Variants in TP63 observed in about 807,000 individuals in gnomAD.
TP63 encodes the protein tumor protein 63.
A neutral mutation model predicts 82.8 loss-of-function variants in TP63; 17 were observed. The observed-to-expected ratio is 0.21, with a 90% CI of 0.14 to 0.31. The LOEUF is 0.31. Among genes scored for constraint, TP63 ranks in the 10% least tolerant of loss-of-function variants. TP63 has a pLI of 1.00. For synonymous variants in TP63, 330 were observed against 321.7 expected, an observed-to-expected ratio of 1.03 and a Z score of -0.28; for missense variants, 648 against 895.3, an observed-to-expected ratio of 0.72 and a Z score of 3.52.
chr3:189,889,733 G>A (rs549683264), intron 12 of TP63, among the ~76,000 whole-genome samples: 18 of 152,250 alleles, frequency 1.2e-4, no homozygotes, highest in African/African-American at 3.1e-4. Flanking sequence ...TGTTTCCCTC[G>A]CCTTCACTTA....
the TP63 span, among the ~76,000 whole-genome samples, chr3:189,622,046 GA>G: frequency 6.6e-6 from 1 of 152,196 alleles, no homozygotes; most frequent in African/African-American, 2.4e-5. Context: ...AAGATGCCCT[GA>G]GAATCATGTC....
intron 1 of TP63, among the ~76,000 whole-genome samples, chr3:189,646,259 T>C (rs1712416883): frequency 6.8e-6 from 1 of 147,274 alleles, no homozygotes; most frequent in African/African-American, 2.5e-5. Context: ...TTTGAAAACC[T>C]GACCATACAA....
At chr3:189,710,444 A>G (rs1718508519) in intron 1 of TP63, among the ~76,000 whole-genome samples, 1 of 152,176 alleles carries the variant, frequency 6.6e-6, no homozygotes, top group Non-Finnish European at 1.5e-5. Context: ...AAGGGCAGGG[A>G]TAATTTAATT....
At chr3:189,652,401 G>A (rs1027016243) in intron 1 of TP63, among the ~76,000 whole-genome samples, 6 of 146,884 alleles carry the variant, frequency 4.1e-5, no homozygotes, top group Admixed American at 3.3e-4. Context: ...CCATTGTTTT[G>A]GCCAATTTCT....
chr3:189,661,136 C>A (rs1713843509), intron 1 of TP63, among the ~76,000 whole-genome samples: 1 of 151,962 alleles, frequency 6.6e-6, no homozygotes, highest in African/African-American at 2.4e-5. Flanking sequence ...GAGTAAGCAT[C>A]CTTGTCTTCT....
Position 189,681,581 on chromosome 3 carries a change from G to A in TP63, c.62+50004G>A, listed in dbSNP as rs11709407. Among the ~76,000 whole-genome samples the A allele has an allele frequency of 0.1, 15,411 of 151,942 alleles. 979 individuals carry two copies. The highest frequency in any genetic ancestry group is 0.14 in the Middle Eastern group (42 of 294). On this transcript the variant is annotated intron_variant, in intron 1 of 13. Coordinates refer to ENST00000264731, the MANE Select transcript of TP63 (RefSeq NM_003722.5). Reference sequence around the variant, plus strand: ...AGCCAGGCTCTATATTTCAGCTCACGTGCTCCATAAATTATATGCAATATT... The same window carrying A: ...AGCCAGGCTCTATATTTCAGCTCACATGCTCCATAAATTATATGCAATATT...
At chr3:189,724,053 C>A (rs62279901) in intron 1 of TP63, among the ~76,000 whole-genome samples, 1,887 of 144,710 alleles carry the variant, frequency 0.013, 46 homozygotes, top group African/African-American at 0.046. Flanking sequence ...AATATCCACT[C>A]CACTCCTCAC....
At position 189,757,866 on chromosome 3, in the gene TP63, G is replaced by A. The variant is rs563576231; in HGVS notation, c.324+19092G>A. On this transcript the variant is annotated intron_variant, in intron 3 of 13. Transcript: ENST00000264731. ...CAGCACCAGGGAAAGGCAGTCTCCCGATAGATAGAAAAAAAACCTTAAACT... is the reference window on the plus strand; with the variant it reads ...CAGCACCAGGGAAAGGCAGTCTCCCAATAGATAGAAAAAAAACCTTAAACT... Among the ~76,000 whole-genome samples, 4 of 152,122 alleles carry A rather than the reference G, an allele frequency of 2.6e-5. No individual in the cohort carries two copies. The East Asian group carries it at 5.8e-4, about 22-fold the overall frequency.
intron 1 of TP63, among the ~76,000 whole-genome samples, chr3:189,732,056 CAG>C: frequency 6.6e-6 from 1 of 152,242 alleles, no homozygotes; most frequent in Non-Finnish European, 1.5e-5. Context: ...TTTTAAGAAA[CAG>C]ACACTTTCTT....
intron 1 of TP63, among the ~76,000 whole-genome samples, chr3:189,709,137 G>C (rs4687088): frequency 0.7 from 106,597 of 152,082 alleles, 38,310 homozygotes; most frequent in African/African-American, 0.87. Context: ...AATGTACACT[G>C]CAGCTGAAAT....
At chr3:189,709,284 C>T (rs1243985445) in intron 1 of TP63, among the ~76,000 whole-genome samples, 1 of 152,034 alleles carries the variant, frequency 6.6e-6, no homozygotes, top group Non-Finnish European at 1.5e-5. Context: ...GTTTTCTATT[C>T]TGAATCTAAA....
intron 10 of TP63, among the ~76,000 whole-genome samples, chr3:189,874,335 G>T (rs2108822253): frequency 6.6e-6 from 1 of 152,342 alleles, no homozygotes; most frequent in East Asian, 1.9e-4. Context: ...GCTTCCCAGA[G>T]TGCTGGGATT....
In TP63 at chr3:189,817,817, A is replaced by T. The variant is rs903340831; in HGVS notation, c.579+9291A>T. ...ATCTGTTAACCAGCTTTATTTTTTTAAAAGCATTTCAGTGTTTTATTCGTA... is the reference window on the plus strand; with the variant it reads ...ATCTGTTAACCAGCTTTATTTTTTTTAAAGCATTTCAGTGTTTTATTCGTA... On this transcript the variant is annotated intron_variant, in intron 4 of 13. Transcript: ENST00000264731. Among the ~76,000 whole-genome samples, 8 of 152,144 alleles carry T rather than the reference A, an allele frequency of 5.3e-5. No homozygotes were observed. In the South Asian group the frequency reaches 1.2e-3, roughly 24 times the overall value.
intron 4 of TP63, among the ~76,000 whole-genome samples, chr3:189,813,347 T>G (rs1727783182): frequency 6.6e-6 from 1 of 151,942 alleles, no homozygotes; most frequent in African/African-American, 2.4e-5. Flanking sequence ...GCTTTGGGAG[T>G]TGCTGGTGAG....
intron 10 of TP63, among the ~76,000 whole-genome samples, chr3:189,875,609 T>TATATATATATACAC (rs1179610451): frequency 0.036 from 2,267 of 62,942 alleles, 146 homozygotes; most frequent in Middle Eastern, 0.074. Context: ...TATATATATA[T>TATATATATATACAC]ATATATATAT....
At chr3:189,890,598 G>C (rs953674838) in intron 12 of TP63, among the ~76,000 whole-genome samples, 191 bp from the exon 13 acceptor site, 2 of 152,090 alleles carry the variant, frequency 1.3e-5, no homozygotes, top group African/African-American at 4.8e-5. Flanking sequence ...AATTTCTGTA[G>C]ACCTAAACTT....
the TP63 span, among the ~76,000 whole-genome samples, chr3:189,617,090 C>A: frequency 6.6e-6 from 1 of 152,210 alleles, no homozygotes; most frequent in Non-Finnish European, 1.5e-5. Context: ...AAAGGCTTCA[C>A]TGAAGTGTCA....
intron 1 of TP63, among the ~76,000 whole-genome samples, chr3:189,730,919 T>C (rs1354106804): frequency 6.6e-6 from 1 of 152,214 alleles, no homozygotes; most frequent in Non-Finnish European, 1.5e-5. Flanking sequence ...CTATTTGTAG[T>C]TTTATAGCTT....
At chr3:189,887,802 G>A (rs1577199393) in intron 11 of TP63, among the ~76,000 whole-genome samples, 1 of 151,828 alleles carries the variant, frequency 6.6e-6, no homozygotes, top group South Asian at 2.1e-4. Context: ...AAGAAATCAG[G>A]GGAGGCTAGG....
Sources: allele counts gnomAD v4.1 joint callset (sites outside exome capture counted in the v4.1 genomes callset), GRCh38; gene constraint gnomAD v4.1.1; transcripts MANE v1.5; gene names NCBI Gene and HGNC (gene_info 2026-07-23, HGNC 2026-07-21).